EHMT1: variants seen among roughly 807,000 people sequenced by gnomAD.
EHMT1 encodes the protein histone-lysine N-methyltransferase EHMT1.
In EHMT1, 15 loss-of-function variants were observed where a neutral mutation model predicts 147.2. The observed-to-expected ratio is 0.10, with a 90% CI of 0.07 to 0.16. EHMT1 has a LOEUF of 0.16. Ranked by LOEUF, EHMT1 falls within the 10% of genes least tolerant of loss-of-function variation. The pLI is 1.00. For synonymous variants in EHMT1, 795 were observed against 709.6 expected (o/e 1.12, Z -1.91); for missense variants, 1,587 against 1,772.4 (o/e 0.90, Z 1.88).
intron 1 of EHMT1, among the ~76,000 whole-genome samples, chr9:137,640,097 G>A (rs1475264901): frequency 3.3e-5 from 5 of 152,066 alleles, no homozygotes; most frequent in African/African-American, 1.2e-4. Context: ...ACTGTGCCCG[G>A]CTAAGTTTTA....
chr9:137,645,722 G>A (rs1844838711), intron 1 of EHMT1, among the ~76,000 whole-genome samples: 1 of 152,044 alleles, frequency 6.6e-6, no homozygotes, highest in African/African-American at 2.4e-5. Flanking sequence ...TTGCAGCGCT[G>A]AGTGGAGAGG....
In EHMT1 at chr9:137,728,451, C is replaced by G. The variant is rs1190104648; in HGVS notation, c.745C>G (p.Leu249Val). Residue 249 changes from leucine to valine, a missense_variant, in exon 4 of 27, where the codon CTT becomes GTT. Leu to Val is a conservative substitution (Grantham distance 32, BLOSUM62 1). This residue lies in a region of EHMT1 where 810 missense variants were observed against 673.0 expected (regional missense o/e 1.20). Coordinates refer to ENST00000460843, the MANE Select transcript of EHMT1 (RefSeq NM_024757.5). ...KNISDFGRQQLLPPFPSLHQS... is the reference protein window; with the variant it reads ...KNISDFGRQQVLPPFPSLHQS... ...CATTTCTGACTTTGGACGACAGCAGCTTTTACCCCCCTTCCCATCCCTTCA... is the reference window on the plus strand; with the variant it reads ...CATTTCTGACTTTGGACGACAGCAGGTTTTACCCCCCTTCCCATCCCTTCA... 2 of 1,613,994 alleles carry G rather than the reference C, an allele frequency of 1.2e-6. No homozygotes were observed. Among genetic ancestry groups the G allele is most frequent in the African/African-American group, 1.3e-5 (1 of 74,920 alleles).
intron 1 of EHMT1, among the ~76,000 whole-genome samples, chr9:137,621,225 T>C (rs1842925543): frequency 6.6e-6 from 1 of 152,218 alleles, no homozygotes; most frequent in African/African-American, 2.4e-5. Flanking sequence ...GCGCAGCAAC[T>C]CTGGCCTTCT....
chr9:137,716,701 C>T lies in EHMT1; in HGVS notation c.161C>T (p.Thr54Ile), dbSNP rs757663357. 2.3e-5 allele frequency: 37 copies of T among 1,610,090 alleles called. No homozygotes were observed. Among genetic ancestry groups the T allele is most frequent in the Non-Finnish European group, 1.2e-5 (14 of 1,177,660 alleles). Residue 54 changes from threonine to isoleucine, a missense_variant, in exon 3 of 27, where the codon ACC (threonine) becomes ATC (isoleucine). Coordinates refer to ENST00000460843, the MANE Select transcript of EHMT1 (RefSeq NM_024757.5). ...GCCCACATGGCTGCGGACGGTGAGA[C>T]CAATGGGTCTTGTGAAAACAGCGAT... ...GEAHMAADGE[T>I]NGSCENSDAS...
intron 6 of EHMT1, 51 bp from the exon 7 acceptor site, chr9:137,752,280 T>G: frequency 6.3e-7 from 1 of 1,591,884 alleles, no homozygotes; most frequent in Non-Finnish European, 8.6e-7. Context: ...AAGGATGTAA[T>G]TGGTTTCTGT....
intron 18 of EHMT1, among the ~76,000 whole-genome samples, chr9:137,804,925 C>G (rs1953797948): frequency 2.0e-5 from 3 of 152,182 alleles, no homozygotes. Flanking sequence ...ATGTGTCAGT[C>G]ATTTGCATGT....
At chr9:137,670,781 G>T (rs1415392023) in intron 1 of EHMT1, among the ~76,000 whole-genome samples, 1 of 152,192 alleles carries the variant, frequency 6.6e-6, no homozygotes, top group Non-Finnish European at 1.5e-5. Flanking sequence ...GCGGGGCTTA[G>T]CGCTCTCCTG....
At chr9:137,663,973 A>T (rs1407812167) in intron 1 of EHMT1, among the ~76,000 whole-genome samples, 1 of 152,246 alleles carries the variant, frequency 6.6e-6, no homozygotes, top group African/African-American at 2.4e-5. Context: ...TATGCATAAT[A>T]AATTCTGCAA....
At chr9:137,657,350 C>A (rs1463037433) in intron 1 of EHMT1, among the ~76,000 whole-genome samples, 1 of 151,986 alleles carries the variant, frequency 6.6e-6, no homozygotes, top group African/African-American at 2.4e-5. Context: ...CAGTGTCTTT[C>A]TCGTGGCAGT....
chr9:137,778,451 G>A (rs779820039), intron 13 of EHMT1, among the ~76,000 whole-genome samples: 6 of 152,220 alleles, frequency 3.9e-5, no homozygotes, highest in Non-Finnish European at 7.3e-5. Context: ...AGGCTTTCCC[G>A]ACAGCTCACA....
chr9:137,709,460 G>A (rs1285412346), intron 1 of EHMT1, among the ~76,000 whole-genome samples: 1 of 152,168 alleles, frequency 6.6e-6, no homozygotes, highest in Non-Finnish European at 1.5e-5. Context: ...TCCTGGGGAG[G>A]GTGATGCAGT....
At chr9:137,810,544 G>A (rs1015627674) in intron 18 of EHMT1, among the ~76,000 whole-genome samples, 1 of 152,052 alleles carries the variant, frequency 6.6e-6, no homozygotes, top group Non-Finnish European at 1.5e-5. Context: ...TCTTACCTAC[G>A]TTTTTTATTT....
intron 2 of EHMT1, among the ~76,000 whole-genome samples, chr9:137,713,769 G>T (rs1156544995): frequency 1.3e-5 from 2 of 151,704 alleles, no homozygotes; most frequent in African/African-American, 4.8e-5. Context: ...GGCCAACGTG[G>T]TGAAACCCCA....
chr9:137,711,559 G>A (rs577711657), intron 2 of EHMT1, among the ~76,000 whole-genome samples: 2 of 152,194 alleles, frequency 1.3e-5, no homozygotes, highest in Non-Finnish European at 2.9e-5. Context: ...CAGACACTTG[G>A]AGAACAGCAG....
intron 1 of EHMT1, among the ~76,000 whole-genome samples, chr9:137,658,124 T>A (rs1938674454): frequency 6.6e-6 from 1 of 152,182 alleles, no homozygotes; most frequent in Non-Finnish European, 1.5e-5. Context: ...TCGTTCTCCT[T>A]CCTTCTGTCA....
intron 16 of EHMT1, chr9:137,792,321 T>C (rs1482931545): frequency 3.3e-6 from 1 of 306,438 alleles, no homozygotes; most frequent in Non-Finnish European, 6.6e-6. Context: ...GGGAAAAGAC[T>C]GTCTTTTCAA....
chr9:137,730,391 T>G (rs1316258877), intron 4 of EHMT1, among the ~76,000 whole-genome samples: 1 of 152,038 alleles, frequency 6.6e-6, no homozygotes, highest in Non-Finnish European at 1.5e-5. Flanking sequence ...GTTTCTGCTG[T>G]AAGGAGGTGC....
chr9:137,784,246 C>G (rs1251190625), intron 15 of EHMT1: 1 of 1,531,894 alleles, frequency 6.5e-7, no homozygotes, highest in African/African-American at 1.4e-5. Flanking sequence ...CCAGGCCGCC[C>G]ACAGGGAGCA....
At chr9:137,646,491 G>A in intron 1 of EHMT1, 5 of 971,196 alleles carry the variant, frequency 5.1e-6, no homozygotes, top group Non-Finnish European at 4.9e-6. Flanking sequence ...GTGGGAGAGA[G>A]GAGCTAGTCA....
Sources: allele counts gnomAD v4.1 joint callset (sites outside exome capture counted in the v4.1 genomes callset), GRCh38; gene constraint gnomAD v4.1.1; regional missense constraint gnomAD v4.1.1; transcripts MANE v1.5; gene names NCBI Gene and HGNC (gene_info 2026-07-23, HGNC 2026-07-21).